Variants in ASXL1 observed in about 807,000 individuals in gnomAD.
ASXL1 encodes ASXL transcriptional regulator 1.
In ASXL1, 65 loss-of-function variants were observed where a neutral mutation model predicts 89.1. The ratio of observed to expected loss-of-function variants is 0.73; its 90% CI spans 0.60 to 0.90. ASXL1 has a LOEUF of 0.90. ASXL1 is among the 40% of genes least tolerant of loss of function. The pLI, the probability that ASXL1 is intolerant of heterozygous loss-of-function variation, is 0.00. For synonymous variants in ASXL1, 739 were observed against 746.9 expected (o/e 0.99, Z 0.17); for missense variants, 1,786 against 1,942.9 (o/e 0.92, Z 1.52).
intron 4 of ASXL1, among the ~76,000 whole-genome samples, chr20:32,381,617 C>G (rs987490806): frequency 5.3e-5 from 8 of 150,430 alleles, no homozygotes; most frequent in Non-Finnish European, 1.2e-4. Context: ...CGGGTTCACA[C>G]CATTCTCCTG....
intron 4 of ASXL1, among the ~76,000 whole-genome samples, chr20:32,421,480 G>A (rs977666363): frequency 1.3e-4 from 20 of 151,958 alleles, no homozygotes; most frequent in East Asian, 7.7e-4. Flanking sequence ...AATAAAGTTA[G>A]CTTTCATCCA....
chr20:32,426,752 G>T (rs2011320584), intron 4 of ASXL1, among the ~76,000 whole-genome samples: 1 of 151,548 alleles, frequency 6.6e-6, no homozygotes, highest in African/African-American at 2.4e-5. Context: ...TAGAAACAGG[G>T]TTTCACCGTG....
chr20:32,392,110 A>C (rs918396817), intron 4 of ASXL1, among the ~76,000 whole-genome samples: 1 of 151,230 alleles, frequency 6.6e-6, no homozygotes, highest in Non-Finnish European at 1.5e-5. Context: ...CCATCTAGCT[A>C]TTTGTTATTT....
At chr20:32,367,876 T>A in intron 3 of ASXL1, 147 bp downstream of exon 3, 1 of 679,308 alleles carries the variant, frequency 1.5e-6, no homozygotes, top group South Asian at 1.6e-5. Context: ...TATGTAGGAG[T>A]CACAGAAGAG....
intron 4 of ASXL1, among the ~76,000 whole-genome samples, chr20:32,402,793 A>G (rs2048897409): frequency 6.6e-6 from 1 of 152,044 alleles, no homozygotes; most frequent in South Asian, 2.1e-4. Flanking sequence ...TCTATTTTCA[A>G]ATTGGATTTT....
intron 4 of ASXL1, among the ~76,000 whole-genome samples, chr20:32,425,416 G>A (rs1441683596): frequency 6.6e-6 from 1 of 152,218 alleles, no homozygotes; most frequent in Non-Finnish European, 1.5e-5. Flanking sequence ...AACTGTACCA[G>A]ATAAGGCCAA....
At chr20:32,434,398 C>A in intron 12 of ASXL1, 34 bp from the exon 13 acceptor site, 1 of 1,612,342 alleles carries the variant, frequency 6.2e-7, no homozygotes, top group South Asian at 1.1e-5. Context: ...ATCACCCAGT[C>A]AGTTAAAACT....
Position 32,434,993 on chromosome 20 carries a change from G to A in ASXL1, c.2281G>A (p.Ala761Thr), listed in dbSNP as rs146052718. The change falls in exon 13 of 13, where the codon GCC becomes ACC. Residue 761 changes from alanine (A) to threonine (T), a missense_variant. This residue lies in a region of ASXL1 where 1,418 missense variants were observed against 1,427.8 expected (regional missense o/e 0.99). Transcript: ENST00000375687. ...TCCCACTGGGGACCAGCCATGCCAGGCCTTGCCCCTACTGTCCTCCCAAAC... is the reference window on the plus strand; with the variant it reads ...TCCCACTGGGGACCAGCCATGCCAGACCTTGCCCCTACTGTCCTCCCAAAC... The part of the protein sequence containing the change: ...VAPTGDQPCQ[A>T]LPLLSSQTSV... The A allele has an allele frequency of 5.6e-5, 90 of 1,614,034 alleles. 1 individual carries two copies. The South Asian group carries it at 9.4e-4, about 17-fold the overall frequency.
intron 4 of ASXL1, among the ~76,000 whole-genome samples, chr20:32,399,759 TTTTTTTTTTTTTTTTTTTTA>T (rs2048839314): frequency 8.8e-6 from 1 of 113,794 alleles, no homozygotes; most frequent in African/African-American, 2.9e-5. Flanking sequence ...TTTTTTTTTT[TTTTTTTTTTTTTTTTTTTTA>T]AAGACTGAGT....
In ASXL1 at chr20:32,435,843, C is replaced by G. The variant is rs1191559798; in HGVS notation, c.3131C>G (p.Ser1044Cys). ...AATTGGAACCAATCTGCCCCACTGT[C>G]CAAGGTGAATGGTGACATGCGTCTG... ...KPNWNQSAPLSKVNGDMRLVT... is the reference protein window; with the variant it reads ...KPNWNQSAPLCKVNGDMRLVT... The change falls in exon 13 of 13, where the codon TCC becomes TGC. Residue 1044 changes from serine (S) to cysteine (C), a missense_variant. Around this residue, in one of 3 missense-constraint regions of ASXL1, gnomAD observed 1,418 missense variants for 1,427.8 expected, o/e 0.99. Transcript: ENST00000375687. 6.2e-7 allele frequency: 1 copy of G among 1,614,188 alleles called. No individual in the cohort carries two copies. The highest frequency in any genetic ancestry group is 1.7e-5 in the Admixed American group (1 of 60,024).
intron 4 of ASXL1, among the ~76,000 whole-genome samples, chr20:32,383,662 G>C (rs754182105): frequency 1.3e-5 from 2 of 152,136 alleles, no homozygotes; most frequent in Non-Finnish European, 2.9e-5. Context: ...GGTACTAAGA[G>C]CACTGGAATA....
At chr20:32,381,032 A>G (rs759390975) in intron 4 of ASXL1, among the ~76,000 whole-genome samples, 5 of 152,098 alleles carry the variant, frequency 3.3e-5, no homozygotes, top group African/African-American at 7.2e-5. Flanking sequence ...CTGGCCTTCA[A>G]CCTATTTCTC....
chr20:32,429,781 G>A lies in ASXL1; in HGVS notation c.566-120G>A. 1 of 1,371,398 alleles carries A rather than the reference G, an allele frequency of 7.3e-7. No homozygotes were observed. The highest frequency in any genetic ancestry group is 1.3e-5 in the South Asian group (1 of 75,468). 85.0% of individuals were successfully genotyped at this position (1,371,398 alleles called of 1,614,324 possible). A position where few individuals can be genotyped will look rare whatever the true frequency, so the allele number is the denominator to read the frequency against. On this transcript the variant is annotated intron_variant, in intron 7 of 12. Coordinates refer to ENST00000375687, the MANE Select transcript of ASXL1 (RefSeq NM_015338.6). The surrounding 1 kb of genome is among the most constrained non-coding windows in gnomAD (Gnocchi z 4.9). ...GGTTTCTCTCAGCCTAAGGCTGGGA[G>A]ATGGAAGCATCCCAGTATTGCTGGC...
At chr20:32,409,653 C>T (rs891625696) in intron 4 of ASXL1, among the ~76,000 whole-genome samples, 2 of 151,942 alleles carry the variant, frequency 1.3e-5, no homozygotes, top group African/African-American at 4.8e-5. Context: ...GTGGGAGGAT[C>T]GCTTGAGCCT....
At chr20:32,375,737 C>T (rs560216396) in intron 4 of ASXL1, among the ~76,000 whole-genome samples, 27 of 150,936 alleles carry the variant, frequency 1.8e-4, no homozygotes, top group Non-Finnish European at 3.7e-4. Flanking sequence ...GGCTGGAGTG[C>T]AGTGGCATGA....
At chr20:32,381,057 T>A (rs1210478376) in intron 4 of ASXL1, among the ~76,000 whole-genome samples, 1 of 152,204 alleles carries the variant, frequency 6.6e-6, no homozygotes, top group Admixed American at 6.5e-5. Context: ...ACCCCAATCT[T>A]GGGTATACTT....
At chr20:32,378,868 C>T (rs1225120936) in intron 4 of ASXL1, among the ~76,000 whole-genome samples, 1 of 151,910 alleles carries the variant, frequency 6.6e-6, no homozygotes, top group Non-Finnish European at 1.5e-5. Flanking sequence ...TGGCTCATGC[C>T]TGTAATCCCA....
intron 4 of ASXL1, 103 bp from the exon 5 acceptor site, chr20:32,428,025 T>C: frequency 6.5e-7 from 1 of 1,535,170 alleles, no homozygotes; most frequent in Non-Finnish European, 8.9e-7. Context: ...CTTGTCAGTA[T>C]TCTAAATCCC....
chr20:32,429,613 C>T lies in ASXL1; in HGVS notation c.565+182C>T. On this transcript the variant is annotated intron_variant, in intron 7 of 12. Coordinates refer to ENST00000375687, the MANE Select transcript of ASXL1 (RefSeq NM_015338.6). This position sits in a 1 kb window ranked among gnomAD's most constrained non-coding sequence, Gnocchi z 4.9. ...GTGCTGGGCTCTGCTGTGTGCCTTC[C>T]TCTTTGTCTCCCAGGGCAGTCGTGA... The T allele has an allele frequency of 1.3e-6, 1 of 749,010 alleles. No homozygotes were observed. Among genetic ancestry groups the T allele is most frequent in the Non-Finnish European group, 2.2e-6 (1 of 448,534 alleles). 46.4% of individuals were successfully genotyped at this position (749,010 alleles called of 1,614,324 possible).
Sources: gnomAD v4.1 joint callset for allele counts (sites outside exome capture counted in the v4.1 genomes callset) on GRCh38, gnomAD v4.1.1 for gene constraint, gnomAD v4.1.1 regional missense constraint, Gnocchi (gnomAD v3.1) non-coding constraint, MANE v1.5 for transcripts, NCBI Gene and HGNC (gene_info 2026-07-23, HGNC 2026-07-21) for gene names.